The following BICD2 variants were observed in gnomAD, a reference collection of about 807,000 sequenced individuals.
The protein encoded by BICD2 is BICD cargo adaptor 2, also known as protein bicaudal D homolog 2.
A neutral mutation model predicts 72.9 loss-of-function variants in BICD2; 25 were observed. The observed-to-expected ratio is 0.34, with a 90% CI of 0.25 to 0.48. The LOEUF is 0.48. BICD2 is among the 20% of genes least tolerant of loss of function. The pLI is 0.99. For missense variants in BICD2, 894 were observed against 1,175.2 expected (o/e 0.76, Z 3.50); for synonymous variants, 501 against 516.1 (o/e 0.97, Z 0.40).
chr9:92,759,366 C>G (rs1322354315), intron 1 of BICD2, among the ~76,000 whole-genome samples: 1 of 152,222 alleles, frequency 6.6e-6, no homozygotes, highest in Non-Finnish European at 1.5e-5. Flanking sequence ...ACTGTTCTCT[C>G]CACTTTCTGC....
At chr9:92,756,006 G>A (rs1283037233) in intron 1 of BICD2, among the ~76,000 whole-genome samples, 1 of 152,230 alleles carries the variant, frequency 6.6e-6, no homozygotes, top group Admixed American at 6.5e-5. Context: ...TGAGTCCACT[G>A]CCATGCTAGT....
chr9:92,746,880 G>A (rs921385432), intron 1 of BICD2, among the ~76,000 whole-genome samples: 11 of 152,198 alleles, frequency 7.2e-5, no homozygotes, highest in African/African-American at 2.4e-4. Flanking sequence ...GCACAACTGC[G>A]TGTGGTCTTA....
In BICD2 at chr9:92,719,406, C is replaced by T. The variant is rs1446284373; in HGVS notation, c.1239G>A (p.Glu413=). The change falls in exon 5 of 7, where the codon GAG becomes GAA. Residue 413 remains glutamate, a synonymous_variant. Coordinates refer to ENST00000356884, the MANE Select transcript of BICD2 (RefSeq NM_001003800.2). ...CATCCTCATGGCTGTCACGGTCCTT[C>T]TCGTTGTCCAGGGCTGTCTGCCGCT... is the stretch of plus-strand genomic sequence containing the variant. The part of the protein sequence containing the change: ...SKERQTALDN[E]KDRDSHEDGD... The T allele has an allele frequency of 4.3e-6, 7 of 1,614,104 alleles. No homozygotes were observed. In the Admixed American group the frequency reaches 1.2e-4, roughly 27 times the overall value.
At position 92,719,526 on chromosome 9, in the gene BICD2, C is replaced by T. The variant is rs2131501355; in HGVS notation, c.1119G>A (p.Leu373=). Reference sequence around the variant, plus strand: ...CTGACAGGGAGCCCCGCGTGTGCTCCAGCTGCTTCTGTGTGTCCTGCAGCG... The same window carrying T: ...CTGACAGGGAGCCCCGCGTGTGCTCTAGCTGCTTCTGTGTGTCCTGCAGCG... The part of the protein sequence containing the change: ...LATLQDTQKQ[L]EHTRGSLSEQ... Residue 373 remains leucine (L), a synonymous_variant, in exon 5 of 7, where the codon CTG becomes CTA. Transcript: ENST00000356884. The T allele has an allele frequency of 6.2e-7, 1 of 1,613,192 alleles. No individual in the cohort carries two copies. Among genetic ancestry groups the T allele is most frequent in the South Asian group, 1.1e-5 (1 of 91,020 alleles).
intron 1 of BICD2, among the ~76,000 whole-genome samples, chr9:92,751,832 T>C (rs2131531143): frequency 6.6e-6 from 1 of 150,732 alleles, no homozygotes; most frequent in East Asian, 2.0e-4. Context: ...GAGATGGAGT[T>C]TTGCTCCTGT....
chr9:92,758,804 A>C (rs12684587), intron 1 of BICD2, among the ~76,000 whole-genome samples: 30,106 of 151,764 alleles, frequency 0.2, 3,982 homozygotes, highest in East Asian at 0.72. Flanking sequence ...TGGTGAGCCA[A>C]GATCGCGCCA....
chr9:92,716,504 A>G (rs915935434), intron 6 of BICD2, among the ~76,000 whole-genome samples: 2 of 147,942 alleles, frequency 1.4e-5, no homozygotes, highest in Admixed American at 6.9e-5. Context: ...GCACGGCACC[A>G]GGCTTGAGAG....
intron 1 of BICD2, among the ~76,000 whole-genome samples, chr9:92,750,742 A>G (rs545811326): frequency 6.6e-6 from 1 of 152,326 alleles, no homozygotes; most frequent in South Asian, 2.1e-4. Context: ...AAAAACAAAA[A>G]GTGAACCTTA....
intron 2 of BICD2, among the ~76,000 whole-genome samples, chr9:92,723,880 A>G (rs1243924569): frequency 1.3e-5 from 2 of 152,314 alleles, no homozygotes; most frequent in South Asian, 2.1e-4. Flanking sequence ...CCCTAGCAAC[A>G]TTCAGGGACG....
At chr9:92,746,775 T>C (rs1391954863) in intron 1 of BICD2, among the ~76,000 whole-genome samples, 5 of 152,130 alleles carry the variant, frequency 3.3e-5, no homozygotes, top group Non-Finnish European at 7.4e-5. Context: ...CTAATCACTG[T>C]AGAAGGCAGG....
At chr9:92,719,651 A>G in intron 4 of BICD2, 69 bp from the exon 5 acceptor site, 3 of 1,464,886 alleles carry the variant, frequency 2.0e-6, no homozygotes, top group Non-Finnish European at 2.7e-6. Flanking sequence ...AGGACCCCCA[A>G]GATGGCCTAG....
chr9:92,717,666 C>G, intron 6 of BICD2, 131 bp downstream of exon 6: 2 of 1,234,076 alleles, frequency 1.6e-6, no homozygotes, highest in Non-Finnish European at 2.2e-6. Flanking sequence ...CCTGATGGAG[C>G]TGGGCACAGC....
intron 1 of BICD2, among the ~76,000 whole-genome samples, chr9:92,743,033 C>G (rs1853929041): frequency 6.6e-6 from 1 of 152,176 alleles, no homozygotes; most frequent in South Asian, 2.1e-4. Flanking sequence ...GTATCTTCAA[C>G]TTTTTTTGAG....
chr9:92,727,540 T>C (rs1054010796), intron 2 of BICD2, among the ~76,000 whole-genome samples: 12 of 152,176 alleles, frequency 7.9e-5, no homozygotes, highest in Admixed American at 2.6e-4. Flanking sequence ...GCTCCACTCC[T>C]CCAGCCATTC....
intron 1 of BICD2, among the ~76,000 whole-genome samples, chr9:92,753,299 A>G (rs756818691): frequency 3.9e-5 from 6 of 152,242 alleles, no homozygotes; most frequent in Non-Finnish European, 8.8e-5. Context: ...TGGGACAGAA[A>G]AAGGACATCA....
intron 4 of BICD2, 94 bp from the exon 5 acceptor site, chr9:92,719,676 A>C: frequency 3.9e-5 from 51 of 1,309,140 alleles, no homozygotes; most frequent in Non-Finnish European, 4.7e-5. Flanking sequence ...ATCCCACCCC[A>C]TGTCAGGGCA....
chr9:92,734,989 G>A (rs1853752966), intron 1 of BICD2, among the ~76,000 whole-genome samples: 1 of 152,194 alleles, frequency 6.6e-6, no homozygotes, highest in Admixed American at 6.5e-5. Flanking sequence ...GCTTTGAGGA[G>A]GAAGCAGCAC....
chr9:92,744,953 T>C (rs1853978663), intron 1 of BICD2, among the ~76,000 whole-genome samples: 2 of 152,234 alleles, frequency 1.3e-5, no homozygotes, highest in South Asian at 4.1e-4. Context: ...TTACTATATG[T>C]AATTCTAGTT....
chr9:92,729,379 T>G, intron 1 of BICD2, 143 bp from the exon 2 acceptor site: 1 of 847,170 alleles, frequency 1.2e-6, no homozygotes. Context: ...CCCCCTGACC[T>G]GGGAGGTGCA....
Sources: gnomAD v4.1 joint callset for allele counts (sites outside exome capture counted in the v4.1 genomes callset) on GRCh38, gnomAD v4.1.1 for gene constraint, MANE v1.5 for transcripts, NCBI Gene and HGNC (gene_info 2026-07-23, HGNC 2026-07-21) for gene names.